The following RYR3 variants were observed in gnomAD, a reference collection of about 807,000 sequenced individuals.
RYR3 encodes the protein ryanodine receptor 3, also known as brain ryanodine receptor-calcium release channel.
A neutral mutation model predicts 584.3 loss-of-function variants in RYR3; 207 were observed. That is an observed-to-expected ratio of 0.35 (90% confidence interval 0.32 to 0.40). The LOEUF (loss-of-function observed/expected upper bound fraction) is 0.40, where lower values mean the gene tolerates loss of function less well. Among genes scored for constraint, RYR3 ranks in the 10% least tolerant of loss-of-function variants. The pLI is 1.00. For synonymous variants in RYR3, 2,416 were observed against 2,248.5 expected, an observed-to-expected ratio of 1.07 and a Z score of -2.11; for missense variants, 5,616 against 6,089.2, an observed-to-expected ratio of 0.92 and a Z score of 2.59.
At chr15:33,528,828 C>G (rs564151155) in intron 3 of RYR3, among the ~76,000 whole-genome samples, 1 of 152,128 alleles carries the variant, frequency 6.6e-6, no homozygotes, top group African/African-American at 2.4e-5. Flanking sequence ...AAACATGACA[C>G]CCCCCTCCCC....
chr15:33,329,600 C>T (rs982991552), intron 1 of RYR3, among the ~76,000 whole-genome samples: 2 of 152,156 alleles, frequency 1.3e-5, no homozygotes, highest in African/African-American at 4.8e-5. Flanking sequence ...AGAACTGGAA[C>T]ACAATATGTA....
chr15:33,513,596 C>G (rs1005898035), intron 3 of RYR3, among the ~76,000 whole-genome samples: 4 of 152,202 alleles, frequency 2.6e-5, no homozygotes, highest in African/African-American at 7.2e-5. Context: ...CTGCTTCCAC[C>G]TAGAGTTTCC....
chr15:33,597,591 A>C (rs2059437185), intron 16 of RYR3, among the ~76,000 whole-genome samples: 1 of 147,518 alleles, frequency 6.8e-6, no homozygotes, highest in African/African-American at 2.5e-5. Flanking sequence ...AGCCTGGGCG[A>C]CAGTGCAACA....
chr15:33,608,143 CTT>C (rs564323112), intron 18 of RYR3, among the ~76,000 whole-genome samples: 65 of 152,334 alleles, frequency 4.3e-4, no homozygotes, highest in African/African-American at 1.4e-3. Context: ...AAATAACTCT[CTT>C]TATAGCATCC....
At position 33,755,100 on chromosome 15, in the gene RYR3, T is replaced by C; in HGVS notation, c.8435T>C (p.Met2812Thr). 1 of 1,613,272 alleles carries C rather than the reference T, an allele frequency of 6.2e-7. No homozygotes were observed. The highest frequency in any genetic ancestry group is 8.5e-7 in the Non-Finnish European group (1 of 1,179,506). Residue 2812 changes from methionine to threonine, a missense_variant, in exon 58 of 104, where the codon ATG (methionine) becomes ACG (threonine). This residue lies in a region of RYR3 where 1,280 missense variants were observed against 1,426.2 expected (regional missense o/e 0.90). Coordinates refer to ENST00000634891, the MANE Select transcript of RYR3 (RefSeq NM_001036.6). ...GATATGGAGCTGGATGCCTCCTCCA[T>C]GGAGAAGAGGTTTGCCTATAAGTTC... ...MKDMELDASS[M>T]EKRFAYKFLK... is the part of the protein sequence containing the mutation.
chr15:33,620,166 C>T (rs1280175814), intron 19 of RYR3, among the ~76,000 whole-genome samples: 1 of 152,108 alleles, frequency 6.6e-6, no homozygotes, highest in Non-Finnish European at 1.5e-5. Context: ...GAGCACAGTC[C>T]TTGGCGTCAC....
At chr15:33,497,126 G>A (rs150841045) in intron 2 of RYR3, among the ~76,000 whole-genome samples, 156 of 152,266 alleles carry the variant, frequency 1.0e-3, no homozygotes, top group African/African-American at 3.6e-3. Flanking sequence ...TGGAGAATAC[G>A]CGTTAATTCC....
At chr15:33,522,092 T>TAAAAAA (rs36044198) in intron 3 of RYR3, among the ~76,000 whole-genome samples, 1 of 114,790 alleles carries the variant, frequency 8.7e-6, no homozygotes, top group South Asian at 3.3e-4. Context: ...CATCTCTACT[T>TAAAAAA]AAAAAAAAAA....
At chr15:33,615,532 A>G (rs1364848720) in intron 19 of RYR3, among the ~76,000 whole-genome samples, 7 of 152,220 alleles carry the variant, frequency 4.6e-5, no homozygotes, top group African/African-American at 1.4e-4. Flanking sequence ...GATATAATAT[A>G]TTGAAGTTAT....
At chr15:33,483,742 C>A (rs1463067998) in intron 2 of RYR3, among the ~76,000 whole-genome samples, 1 of 152,182 alleles carries the variant, frequency 6.6e-6, no homozygotes. Context: ...AGTTGGCAAA[C>A]AAATTGAGGG....
chr15:33,841,935 CAAA>C lies in RYR3; in HGVS notation c.13113_13115del (p.Lys4374del). On this transcript the variant is annotated inframe_deletion, in exon 91 of 104. Transcript: ENST00000634891. Reference sequence around the variant, plus strand: ...GCTGAGTACCTGTGGACAGAAGTGACAAAAAAGAAGAAGCGGCGGTGTGGTCAG... The same window carrying C: ...GCTGAGTACCTGTGGACAGAAGTGACAAAGAAGAAGCGGCGGTGTGGTCAG... 19 of 1,585,616 alleles carry C rather than the reference CAAA, an allele frequency of 1.2e-5. No individual in the cohort carries two copies. Among genetic ancestry groups the C allele is most frequent in the Non-Finnish European group, 1.5e-5 (18 of 1,164,496 alleles).
intron 19 of RYR3, among the ~76,000 whole-genome samples, chr15:33,614,864 A>G (rs866164936): frequency 2.0e-5 from 3 of 152,090 alleles, no homozygotes; most frequent in Admixed American, 6.6e-5. Context: ...GGAACTCATA[A>G]TAGTACCACC....
chr15:33,354,027 C>G (rs1235300306), intron 1 of RYR3, among the ~76,000 whole-genome samples: 1 of 152,214 alleles, frequency 6.6e-6, no homozygotes, highest in East Asian at 1.9e-4. Flanking sequence ...GAAAGCTTGA[C>G]ATGACCTCTT....
chr15:33,601,743 C>T (rs191748126), intron 17 of RYR3, among the ~76,000 whole-genome samples, 191 bp downstream of exon 17: 1 of 152,300 alleles, frequency 6.6e-6, no homozygotes, highest in East Asian at 1.9e-4. Flanking sequence ...TAGCAGAATT[C>T]CTCAAGCTTT....
In RYR3 at chr15:33,311,120, G is replaced by C. The variant is rs748309038; in HGVS notation, c.51+24G>C. The C allele has an allele frequency of 6.4e-7, 1 of 1,553,096 alleles. No homozygotes were observed. Among genetic ancestry groups the C allele is most frequent in the Non-Finnish European group, 8.7e-7 (1 of 1,148,642 alleles). ...CTGTGAGTCTCCGCGGCGGGGGCGAGGCCGTGGGCAGGTGGGGAGGAGCGC... is the reference window on the plus strand; with the variant it reads ...CTGTGAGTCTCCGCGGCGGGGGCGACGCCGTGGGCAGGTGGGGAGGAGCGC... On this transcript the variant is annotated intron_variant, in intron 1 of 103. Transcript: ENST00000634891. This position sits in a 1 kb window ranked among gnomAD's most constrained non-coding sequence, Gnocchi z 4.4.
At chr15:33,436,654 C>G (rs1241479111) in intron 1 of RYR3, among the ~76,000 whole-genome samples, 1 of 147,354 alleles carries the variant, frequency 6.8e-6, no homozygotes, top group African/African-American at 2.7e-5. Context: ...GTGCCTGCCA[C>G]CACGCCAGGC....
At chr15:33,663,502 C>A in intron 35 of RYR3, 35 bp from the exon 36 acceptor site, 1 of 1,584,852 alleles carries the variant, frequency 6.3e-7, no homozygotes, top group Non-Finnish European at 8.6e-7. Flanking sequence ...CACCAAAGTA[C>A]ACAAAGTGTT....
intron 2 of RYR3, among the ~76,000 whole-genome samples, chr15:33,481,347 T>C (rs1479850982): frequency 6.6e-6 from 1 of 152,224 alleles, no homozygotes; most frequent in Non-Finnish European, 1.5e-5. Context: ...TCTACCTTCA[T>C]GCTATTCTTT....
At chr15:33,686,783 A>T (rs941342145) in intron 38 of RYR3, among the ~76,000 whole-genome samples, 4 of 152,260 alleles carry the variant, frequency 2.6e-5, no homozygotes, top group African/African-American at 9.6e-5. Flanking sequence ...AAATCAATAA[A>T]TGTAATCCAT....
Sources: allele counts gnomAD v4.1 joint callset (sites outside exome capture counted in the v4.1 genomes callset), GRCh38; gene constraint gnomAD v4.1.1; regional missense constraint gnomAD v4.1.1; non-coding constraint Gnocchi (gnomAD v3.1); transcripts MANE v1.5; gene names NCBI Gene and HGNC (gene_info 2026-07-23, HGNC 2026-07-21).